UPP2: variants seen among roughly 807,000 people sequenced by gnomAD.
UPP2 encodes the protein UPase 2.
UPP2 carries 23 observed loss-of-function variants against 26.7 expected under a neutral mutation model. The observed-to-expected ratio is 0.86, with a 90% confidence interval of 0.62 to 1.22. The LOEUF is 1.22. Ranked by LOEUF, UPP2 falls within the 50% of genes most tolerant of loss-of-function variation. UPP2 has a pLI of 0.00. For synonymous variants in UPP2, 127 were observed against 141.3 expected (o/e 0.90, Z 0.72); for missense variants, 387 against 396.7 (o/e 0.98, Z 0.21).
chr2:158,032,035 A>G (rs191938002), intron 3 of UPP2, among the ~76,000 whole-genome samples: 1 of 152,284 alleles, frequency 6.6e-6, no homozygotes, highest in East Asian at 1.9e-4. Flanking sequence ...GAAACCAGAA[A>G]TTTCCCAGGA....
At position 158,118,152 on chromosome 2, in the gene UPP2, CT is replaced by C. The variant is rs564757541; in HGVS notation, c.454+215del. On this transcript the variant is annotated intron_variant, in intron 4 of 6. Coordinates refer to ENST00000005756, the MANE Select transcript of UPP2 (RefSeq NM_173355.4). ...TGGAAACCCACAGGGAGAGATCTCACTGCCTATTGCGGGATAGTCTTAGGTG... is the reference window on the plus strand; with the variant it reads ...TGGAAACCCACAGGGAGAGATCTCACGCCTATTGCGGGATAGTCTTAGGTG... Among the ~76,000 whole-genome samples the C allele has an allele frequency of 8.4e-4, 128 of 151,986 alleles. 1 individual carries two copies. Among genetic ancestry groups the C allele is most frequent in the Non-Finnish European group, 1.4e-3 (92 of 67,904 alleles).
chr2:158,109,494 G>A (rs1486599767), intron 2 of UPP2, among the ~76,000 whole-genome samples: 3 of 152,070 alleles, frequency 2.0e-5, no homozygotes, highest in Non-Finnish European at 4.4e-5. Flanking sequence ...TTCCTTCAAG[G>A]CATAAATTGC....
Position 158,064,728 on chromosome 2 carries a change from G to A in UPP2, c.148-37312G>A, listed in dbSNP as rs192775453. Reference sequence around the variant, plus strand: ...GGATTTTTATGGTCCTAAGTCTTACGTTTAAGTCTTTGATACATCTTGAGT... The same window carrying A: ...GGATTTTTATGGTCCTAAGTCTTACATTTAAGTCTTTGATACATCTTGAGT... On this transcript the variant is annotated intron_variant, in intron 3 of 9. Transcript: ENST00000605860. Among the ~76,000 whole-genome samples the A allele has an allele frequency of 3.2e-3, 489 of 152,202 alleles. 4 individuals carry two copies. Among genetic ancestry groups the A allele is most frequent in the South Asian group, 0.026 (126 of 4,822 alleles).
chr2:158,116,712 A>G (rs1481449229), intron 3 of UPP2, among the ~76,000 whole-genome samples: 1 of 152,368 alleles, frequency 6.6e-6, no homozygotes, highest in East Asian at 1.9e-4. Context: ...TAGATCAAAT[A>G]ATAGTTCATC....
intron 2 of UPP2, 52 bp from the exon 3 acceptor site, chr2:158,115,049 G>T: frequency 1.3e-6 from 2 of 1,504,290 alleles, no homozygotes; most frequent in Non-Finnish European, 1.8e-6. Flanking sequence ...AAACTGACCC[G>T]TGGTTCTTAT....
chr2:158,089,486 G>C (rs147174813), intron 3 of UPP2, among the ~76,000 whole-genome samples: 2 of 152,176 alleles, frequency 1.3e-5, no homozygotes, highest in Middle Eastern at 6.3e-3. Flanking sequence ...CTGCACTCCC[G>C]ATTCAACCAC....
chr2:158,066,056 T>C, intron 3 of UPP2: 1 of 287,602 alleles, frequency 3.5e-6, no homozygotes. Flanking sequence ...GATACAACTG[T>C]TGCAGTTAAT....
chr2:158,099,222 C>A (rs1294735245), upstream of UPP2, among the ~76,000 whole-genome samples: 2 of 152,142 alleles, frequency 1.3e-5, no homozygotes, highest in Non-Finnish European at 2.9e-5. Flanking sequence ...TCCTAGACTT[C>A]CTGGAGCATG....
At chr2:158,035,609 T>A (rs1230123084) in intron 3 of UPP2, among the ~76,000 whole-genome samples, 1 of 152,194 alleles carries the variant, frequency 6.6e-6, no homozygotes. Context: ...TACTGCGGCA[T>A]GGGCTTGTAA....
At chr2:158,030,753 G>T (rs1475523861) in intron 3 of UPP2, among the ~76,000 whole-genome samples, 1 of 152,216 alleles carries the variant, frequency 6.6e-6, no homozygotes, top group Non-Finnish European at 1.5e-5. Context: ...CCCAGGGGCA[G>T]TTCCTTTTCA....
At chr2:158,016,751 G>C (rs1683665801) in intron 3 of UPP2, among the ~76,000 whole-genome samples, 1 of 152,120 alleles carries the variant, frequency 6.6e-6, no homozygotes, top group East Asian at 1.9e-4. Flanking sequence ...ATCCTGGAGA[G>C]ATACGGAGGA....
chr2:158,090,522 AAAAC>A (rs200617749), intron 3 of UPP2, among the ~76,000 whole-genome samples: 54 of 151,290 alleles, frequency 3.6e-4, no homozygotes, highest in African/African-American at 9.6e-4. Context: ...AAAAACCCAA[AAAAC>A]AAACAAACAA....
intron 3 of UPP2, among the ~76,000 whole-genome samples, chr2:158,055,737 G>A (rs1347280831): frequency 6.6e-6 from 1 of 152,112 alleles, no homozygotes; most frequent in African/African-American, 2.4e-5. Context: ...AATGTCCCAG[G>A]GCCTCTCTGC....
chr2:158,067,878 T>C (rs1213458328), intron 3 of UPP2, among the ~76,000 whole-genome samples: 1 of 152,014 alleles, frequency 6.6e-6, no homozygotes. Context: ...GTAAAATTTC[T>C]AAAGAGTTAT....
At chr2:158,115,927 G>A (rs894424493) in intron 3 of UPP2, among the ~76,000 whole-genome samples, 8 of 152,164 alleles carry the variant, frequency 5.3e-5, no homozygotes, top group African/African-American at 1.9e-4. Context: ...TAACTCTGAA[G>A]CCATCACATT....
rs371724012 is a variant in UPP2 at position 158,093,378 on chromosome 2, T to C, written c.148-8662T>C. ...ACAGTATTTGTAAATGTATTAAACATAGATAAAAGACAACTTTTTGAAAAT... is the reference window on the plus strand; with the variant it reads ...ACAGTATTTGTAAATGTATTAAACACAGATAAAAGACAACTTTTTGAAAAT... On this transcript the variant is annotated intron_variant, in intron 3 of 9. Coordinates refer to the UPP2 transcript ENST00000605860. Among the ~76,000 whole-genome samples the C allele has an allele frequency of 6.6e-4, 100 of 151,974 alleles. 1 individual carries two copies. The South Asian group carries it at 0.02, about 31-fold the overall frequency.
chr2:158,029,611 C>T (rs1339969056), intron 3 of UPP2, among the ~76,000 whole-genome samples: 1 of 152,126 alleles, frequency 6.6e-6, no homozygotes, highest in Non-Finnish European at 1.5e-5. Flanking sequence ...TAAAAGAATG[C>T]ACTATTAATA....
intron 2 of UPP2, among the ~76,000 whole-genome samples, chr2:158,113,397 A>T (rs1683359573): frequency 6.6e-6 from 1 of 152,226 alleles, no homozygotes; most frequent in African/African-American, 2.4e-5. Context: ...AGAATTATCA[A>T]TAACTAGTTT....
intron 3 of UPP2, among the ~76,000 whole-genome samples, chr2:158,047,457 G>A (rs1684172635): frequency 6.6e-6 from 1 of 152,186 alleles, no homozygotes; most frequent in Admixed American, 6.5e-5. Context: ...GTGGCAAGAG[G>A]AGCATGCTGA....
Sources: gnomAD v4.1 joint callset for allele counts (sites outside exome capture counted in the v4.1 genomes callset) on GRCh38, gnomAD v4.1.1 for gene constraint, MANE v1.5 for transcripts, NCBI Gene and HGNC (gene_info 2026-07-23, HGNC 2026-07-21) for gene names.